GBE1: variants seen among roughly 807,000 people sequenced by gnomAD.
GBE1 encodes the protein 1,4-alpha-glucan-branching enzyme.
In GBE1, 70 loss-of-function variants were observed where a neutral mutation model predicts 88.8. The ratio of observed to expected loss-of-function variants is 0.79; its 90% CI spans 0.65 to 0.96. The LOEUF (loss-of-function observed/expected upper bound fraction) is 0.96. Among genes scored for constraint, GBE1 ranks in the 40% least tolerant of loss-of-function variants. The pLI is 0.00. For synonymous variants in GBE1, 284 were observed against 300.1 expected (o/e 0.95, Z 0.56); for missense variants, 872 against 871.0 (o/e 1.00, Z -0.01).
At chr3:81,625,500 A>G (rs1704400822) in intron 7 of GBE1, among the ~76,000 whole-genome samples, 1 of 151,980 alleles carries the variant, frequency 6.6e-6, no homozygotes, top group African/African-American at 2.4e-5. Flanking sequence ...GTGCAGCAGC[A>G]TGATCATAGC....
chr3:81,676,968 CTA>C (rs2107123909), intron 2 of GBE1, among the ~76,000 whole-genome samples: 1 of 152,274 alleles, frequency 6.6e-6, no homozygotes, highest in East Asian at 1.9e-4. Context: ...CACACAAACT[CTA>C]TGTTTATCTC....
At chr3:81,702,486 C>T (rs545706425) in intron 2 of GBE1, among the ~76,000 whole-genome samples, 1 of 152,120 alleles carries the variant, frequency 6.6e-6, no homozygotes, top group African/African-American at 2.4e-5. Flanking sequence ...TCCCAATATA[C>T]TGCCTGTCCT....
At chr3:81,647,902 G>T (rs1179682965) in intron 5 of GBE1, among the ~76,000 whole-genome samples, 2 of 152,008 alleles carry the variant, frequency 1.3e-5, no homozygotes, top group Non-Finnish European at 2.9e-5. Flanking sequence ...CAAACACAAA[G>T]ATGAGTAAGA....
At chr3:81,675,318 T>A (rs1705237896) in intron 2 of GBE1, among the ~76,000 whole-genome samples, 1 of 152,030 alleles carries the variant, frequency 6.6e-6, no homozygotes. Flanking sequence ...CTAGTGTTAA[T>A]CACATGAAAT....
At chr3:81,717,944 A>C (rs987563102) in intron 1 of GBE1, among the ~76,000 whole-genome samples, 3 of 148,036 alleles carry the variant, frequency 2.0e-5, no homozygotes, top group African/African-American at 7.6e-5. Flanking sequence ...TAAAAGACAC[A>C]GGAAATTTTA....
At position 81,681,370 on chromosome 3, in the gene GBE1, AC is replaced by A. The variant is rs1259685561; in HGVS notation, c.314-10418del. 2.0e-5 allele frequency among the ~76,000 whole-genome samples: 3 copies of A among 152,096 alleles called. No individual in the cohort carries two copies. The East Asian group carries it at 5.8e-4, about 29-fold the overall frequency. On this transcript the variant is annotated intron_variant, in intron 2 of 15. Transcript: ENST00000429644. Reference sequence around the variant, plus strand: ...CCATATCACTATCAACTGCAACTTAACTGATTCATCACTTCCTTGGTTTCAG... The same window carrying A: ...CCATATCACTATCAACTGCAACTTAATGATTCATCACTTCCTTGGTTTCAG...
At chr3:81,754,211 A>C (rs940313597) in intron 1 of GBE1, among the ~76,000 whole-genome samples, 1 of 152,160 alleles carries the variant, frequency 6.6e-6, no homozygotes, top group African/African-American at 2.4e-5. Flanking sequence ...CATTTACAAT[A>C]CCTACAACGA....
intron 14 of GBE1, among the ~76,000 whole-genome samples, chr3:81,511,497 A>G (rs915168061): frequency 6.6e-6 from 1 of 151,958 alleles, no homozygotes; most frequent in African/African-American, 2.4e-5. Flanking sequence ...CGAAAACCAA[A>G]TAACCCCATT....
intron 2 of GBE1, among the ~76,000 whole-genome samples, chr3:81,674,335 A>G (rs1375484576): frequency 1.3e-5 from 2 of 151,962 alleles, no homozygotes; most frequent in Non-Finnish European, 2.9e-5. Context: ...GAATACACAT[A>G]TCTTAATATC....
intron 1 of GBE1, among the ~76,000 whole-genome samples, chr3:81,725,293 G>T (rs1476005755): frequency 1.3e-5 from 2 of 151,990 alleles, no homozygotes; most frequent in African/African-American, 4.8e-5. Flanking sequence ...TTGTAAAGCT[G>T]TACAAATATA....
intron 7 of GBE1, among the ~76,000 whole-genome samples, chr3:81,639,470 TAGCA>T (rs1704639724): frequency 6.6e-6 from 1 of 152,060 alleles, no homozygotes; most frequent in Non-Finnish European, 1.5e-5. Flanking sequence ...ATTTGTAAAG[TAGCA>T]TATTCGTTGT....
intron 9 of GBE1, among the ~76,000 whole-genome samples, chr3:81,590,233 C>G (rs1703858932): frequency 6.6e-6 from 1 of 151,934 alleles, no homozygotes; most frequent in South Asian, 2.1e-4. Context: ...TGCCAATAAG[C>G]TAAACACCAA....
At chr3:81,590,091 C>T (rs1703857167) in intron 9 of GBE1, among the ~76,000 whole-genome samples, 1 of 151,978 alleles carries the variant, frequency 6.6e-6, no homozygotes, top group Admixed American at 6.6e-5. Flanking sequence ...GGGAATAAAA[C>T]TATTCTCCTC....
At chr3:81,609,846 A>T (rs909017884) in intron 7 of GBE1, among the ~76,000 whole-genome samples, 6 of 152,226 alleles carry the variant, frequency 3.9e-5, no homozygotes, top group African/African-American at 1.2e-4. Flanking sequence ...GATTGTAAAC[A>T]TATAAATTGC....
chr3:81,650,050 G>A (rs1559676072), intron 3 of GBE1, 129 bp from the exon 4 acceptor site: 2 of 645,872 alleles, frequency 3.1e-6, no homozygotes, highest in African/African-American at 1.9e-5. Flanking sequence ...CCATACAGAT[G>A]TGTGACCTTC....
chr3:81,551,314 C>G (rs1310235278), intron 12 of GBE1, among the ~76,000 whole-genome samples: 1 of 152,076 alleles, frequency 6.6e-6, no homozygotes, highest in African/African-American at 2.4e-5. Context: ...TATCCATTTC[C>G]TTAACATGAT....
chr3:81,711,310 C>T (rs1705862433), intron 1 of GBE1, among the ~76,000 whole-genome samples: 1 of 151,952 alleles, frequency 6.6e-6, no homozygotes, highest in Admixed American at 6.6e-5. Context: ...GGATTAGAAG[C>T]AAGAAAAAGC....
chr3:81,554,974 T>C (rs1703327826), intron 12 of GBE1, among the ~76,000 whole-genome samples: 1 of 152,176 alleles, frequency 6.6e-6, no homozygotes. Context: ...TAGTTAGCCT[T>C]GTCTGCTTCC....
chr3:81,625,104 G>T (rs1405825526), intron 7 of GBE1, among the ~76,000 whole-genome samples: 1 of 150,088 alleles, frequency 6.7e-6, no homozygotes, highest in Non-Finnish European at 1.5e-5. Context: ...AGGGGGAGGG[G>T]GAGGGGGAGG....
Sources: gnomAD v4.1 joint callset for allele counts (sites outside exome capture counted in the v4.1 genomes callset) on GRCh38, gnomAD v4.1.1 for gene constraint, MANE v1.5 for transcripts, NCBI Gene and HGNC (gene_info 2026-07-23, HGNC 2026-07-21) for gene names.